Variants in CCL14 observed in about 807,000 individuals in gnomAD.
CCL14 encodes the protein C-C motif chemokine 14.
A neutral mutation model predicts 8.2 loss-of-function variants in CCL14; 8 were observed. The observed-to-expected ratio is 0.98, with a 90% CI of 0.57 to 1.76. The LOEUF (loss-of-function observed/expected upper bound fraction) is 1.76, where lower values mean the gene tolerates loss of function less well. CCL14 is among the 40% of genes most tolerant of loss of function. The pLI is 0.00. For synonymous variants in CCL14, 50 were observed against 43.2 expected, an observed-to-expected ratio of 1.16 and a Z score of -0.62; for missense variants, 127 against 118.3, an observed-to-expected ratio of 1.07 and a Z score of -0.34.
chr17:35,984,624 C>T (rs752405532), intron 1 of CCL14, 172 bp from the exon 2 acceptor site: 7 of 602,546 alleles, frequency 1.2e-5, no homozygotes, highest in Non-Finnish European at 2.1e-5. Flanking sequence ...CCATGGTACT[C>T]CTGGGCTCTT....
chr17:35,985,655 C>G, intron 1 of CCL14: 1 of 1,133,908 alleles, frequency 8.8e-7, no homozygotes, highest in South Asian at 1.4e-5. Flanking sequence ...GCCCCTGTTT[C>G]CTGAGACCCA....
At chr17:35,984,488 C>T in intron 1 of CCL14, 36 bp from the exon 2 acceptor site, 1 of 1,407,882 alleles carries the variant, frequency 7.1e-7, no homozygotes, top group Non-Finnish European at 1.0e-6. Flanking sequence ...GGAGGGGCCC[C>T]TTGTTAAAGG....
At chr17:35,986,042 T>C (rs2089762326) in intron 1 of CCL14, 3 of 527,996 alleles carry the variant, frequency 5.7e-6, no homozygotes, top group Admixed American at 7.4e-5. Context: ...ACACTGCTCC[T>C]AATCTCCCTG....
Position 35,986,137 on chromosome 17 carries a change from TCTCA to T in CCL14, c.79+430_79+433del, listed in dbSNP as rs1216131201. 1.0e-5 allele frequency: 4 copies of T among 394,862 alleles called. No individual in the cohort carries two copies. In the Admixed American group the frequency reaches 1.3e-4, roughly 13 times the overall value. The allele number at this position is 394,862 out of a possible 1,614,324, so 24.5% of individuals were successfully genotyped here. A position where few individuals can be genotyped will look rare whatever the true frequency, so the allele number is the denominator to read the frequency against. ...TTGAGGGAGTAGAGAGGCAGGCTGG[TCTCA>T]CTCCATGTCCTTGAGGGCAAGGGGG... On this transcript the variant is annotated intron_variant, in intron 1 of 2. Coordinates refer to ENST00000618404, the MANE Select transcript of CCL14 (RefSeq NM_032963.4).
chr17:35,984,709 T>C, intron 1 of CCL14: 1 of 563,764 alleles, frequency 1.8e-6, no homozygotes, highest in Non-Finnish European at 3.1e-6. Flanking sequence ...GGTGGATGAC[T>C]TTCAACTCCA....
chr17:35,985,453 A>G (rs909051501), intron 1 of CCL14: 6 of 416,658 alleles, frequency 1.4e-5, no homozygotes, highest in Middle Eastern at 5.9e-4. Context: ...AAACAGGCAC[A>G]TGTTGTGGTT....
At position 35,983,813 on chromosome 17, in the gene CCL14, C is replaced by G. The variant is rs767817015; in HGVS notation, c.270G>C (p.Met90Ile). Reference sequence around the variant, plus strand: ...CCTTCTGGGTCACTCAGTTCTCCTTCATGTCCTTGATATAGTCCTGGACCC... The same window carrying G: ...CCTTCTGGGTCACTCAGTTCTCCTTGATGTCCTTGATATAGTCCTGGACCC... Reference protein sequence around the residue: ...DKWVQDYIKDMKEN With the variant: ...DKWVQDYIKDIKEN The change falls in exon 3 of 3, where the codon ATG becomes ATC. Residue 90 changes from methionine (M) to isoleucine (I), a missense_variant. By Grantham distance (10) the Met-to-Ile change is conservative. Transcript: ENST00000618404. 6.2e-7 allele frequency: 1 copy of G among 1,613,270 alleles called. No homozygotes were observed. The highest frequency in any genetic ancestry group is 1.7e-5 in the Admixed American group (1 of 60,028).
In CCL14 at chr17:35,986,604, T is replaced by C. The variant is rs750312238; in HGVS notation, c.46A>G (p.Ile16Val). Residue 16 changes from isoleucine to valine, a missense_variant, in exon 1 of 3, where the codon ATC (isoleucine) becomes GTC (valine). Transcript: ENST00000618404. ...AAIPFFLLIT[I>V]ALGTKTESSS... ...GATTCAGTCTTGGTCCCTAGGGCGA[T>C]GGTGATGAGGAGGAAGAAGGGAATG... 47 of 1,613,880 alleles carry C rather than the reference T, an allele frequency of 2.9e-5. No individual in the cohort carries two copies. The highest frequency in any genetic ancestry group is 4.0e-5 in the Non-Finnish European group (47 of 1,179,958).
intron 1 of CCL14, chr17:35,985,737 T>C (rs2089756133): frequency 6.4e-7 from 1 of 1,550,568 alleles, no homozygotes. Flanking sequence ...CAAGTCAAAC[T>C]GTGCACATAC....
intron 1 of CCL14, chr17:35,986,255 T>G: frequency 2.5e-6 from 1 of 398,766 alleles, no homozygotes; most frequent in South Asian, 5.0e-5. Flanking sequence ...AGAGGGCATT[T>G]GGGGTAGTGG....
chr17:35,983,441 T>G lies in CCL14; in HGVS notation c.*360A>C, dbSNP rs2089704926. 1 of 237,494 alleles carries G rather than the reference T, an allele frequency of 4.2e-6. No homozygotes were observed. Among genetic ancestry groups the G allele is most frequent in the African/African-American group, 2.2e-5 (1 of 44,922 alleles). 14.7% of individuals were successfully genotyped at this position (237,494 alleles called of 1,614,324 possible). ...TATAGAAAGCATTAAGAAAACGGGG[T>G]CTGCTACTGTTGTTGCTGAGGAGGA... On this transcript the variant is annotated 3_prime_UTR_variant, in exon 3 of 3. Transcript: ENST00000618404.
At position 35,986,156 on chromosome 17, in the gene CCL14, G is replaced by A. The variant is rs1013620334; in HGVS notation, c.79+415C>T. The A allele has an allele frequency of 3.5e-4, 130 of 370,258 alleles. 1 individual carries two copies. Among genetic ancestry groups the A allele is most frequent in the Admixed American group, 5.3e-4 (12 of 22,616 alleles). The allele number at this position is 370,258 out of a possible 1,614,324, so 22.9% of individuals were successfully genotyped here. On this transcript the variant is annotated intron_variant, in intron 1 of 2. Transcript: ENST00000618404. ...GGCTGGTCTCACTCCATGTCCTTGA[G>A]GGCAAGGGGGGACTGGTCCTGGGGG... is the stretch of plus-strand genomic sequence containing the variant.
intron 1 of CCL14, chr17:35,985,713 G>A: frequency 1.3e-6 from 2 of 1,535,990 alleles, no homozygotes; most frequent in Non-Finnish European, 1.8e-6. Context: ...GCTGACAAAT[G>A]ACATCGGAGA....
At chr17:35,984,313 A>C in intron 2 of CCL14, 25 bp downstream of exon 2, 1 of 1,521,256 alleles carries the variant, frequency 6.6e-7, no homozygotes, top group Non-Finnish European at 9.1e-7. Context: ...CTCTCCCCCC[A>C]GTGTGATGTG....
At position 35,986,720 on chromosome 17, in the gene CCL14, G is replaced by A; in HGVS notation, c.-71C>T. On this transcript the variant is annotated 5_prime_UTR_variant, in exon 1 of 3. Coordinates refer to ENST00000618404, the MANE Select transcript of CCL14 (RefSeq NM_032963.4). The stretch of plus-strand genomic sequence containing the variant: ...TCAGAGGCTCCTGCGGTGAGGAATT[G>A]TTGAGAAATGATCATTGAGGCCAAA... 8.9e-7 allele frequency: 1 copy of A among 1,125,080 alleles called. No individual in the cohort carries two copies. Among genetic ancestry groups the A allele is most frequent in the Non-Finnish European group, 1.4e-6 (1 of 738,640 alleles). 69.7% of individuals were successfully genotyped at this position (1,125,080 alleles called of 1,614,324 possible). A position where few individuals can be genotyped will look rare whatever the true frequency, so the allele number is the denominator to read the frequency against.
chr17:35,984,042 A>G (rs1453802294), intron 2 of CCL14, among the ~76,000 whole-genome samples, 154 bp from the exon 3 acceptor site: 1 of 152,066 alleles, frequency 6.6e-6, no homozygotes, highest in Non-Finnish European at 1.5e-5. Context: ...TCTCTGAGAC[A>G]TACTCTTCGG....
intron 1 of CCL14, chr17:35,984,800 T>C (rs975539001): frequency 2.2e-6 from 1 of 456,862 alleles, no homozygotes; most frequent in Admixed American, 3.7e-5. Flanking sequence ...ACTTGGCCAA[T>C]ATCATGCAGC....
Position 35,983,871 on chromosome 17 carries a change from C to A in CCL14, c.212G>T (p.Gly71Val). ...KPGIVFITKR[G>V]HSVCTNPSDK... ...ACTGGGGTTGGTACAGACGGAATGG[C>A]CCCTTTTGGTGATGAAGCTGTGGAG... is the stretch of plus-strand genomic sequence containing the variant. Residue 71 changes from glycine to valine, a missense_variant, in exon 3 of 3, where the codon GGC (glycine) becomes GTC (valine). Gly to Val is a moderately radical substitution (Grantham distance 109). Coordinates refer to ENST00000618404, the MANE Select transcript of CCL14 (RefSeq NM_032963.4). 1 of 1,613,834 alleles carries A rather than the reference C, an allele frequency of 6.2e-7. No individual in the cohort carries two copies. The highest frequency in any genetic ancestry group is 8.5e-7 in the Non-Finnish European group (1 of 1,179,776).
intron 2 of CCL14, 65 bp from the exon 3 acceptor site, chr17:35,983,953 C>A: frequency 1.7e-6 from 2 of 1,175,062 alleles, no homozygotes; most frequent in Non-Finnish European, 2.6e-6. Flanking sequence ...GACAGCCCAT[C>A]TTCCCTCCCT....
Sources: allele counts gnomAD v4.1 joint callset (sites outside exome capture counted in the v4.1 genomes callset), GRCh38; gene constraint gnomAD v4.1.1; transcripts MANE v1.5; gene names NCBI Gene and HGNC (gene_info 2026-07-23, HGNC 2026-07-21).